The following DPH6 variants were observed in gnomAD, a reference collection of about 807,000 sequenced individuals.
DPH6 encodes the protein diphthine--ammonia ligase.
DPH6 carries 33 observed loss-of-function variants against 38.2 expected under a neutral mutation model. That is an observed-to-expected ratio of 0.86 (90% CI 0.65 to 1.15). The LOEUF (loss-of-function observed/expected upper bound fraction) is 1.15, where lower values mean the gene tolerates loss of function less well. Among genes scored for constraint, DPH6 ranks in the 50% most tolerant of loss-of-function variants. DPH6 has a pLI of 0.00. For synonymous variants in DPH6, 108 were observed against 103.0 expected (o/e 1.05, Z -0.30); for missense variants, 325 against 320.0 (o/e 1.02, Z -0.12).
intron 3 of DPH6, among the ~76,000 whole-genome samples, chr15:35,348,494 G>A (rs185966475): frequency 6.6e-6 from 1 of 152,108 alleles, no homozygotes; most frequent in Admixed American, 6.5e-5. Flanking sequence ...TCTGTTACAT[G>A]GGTCTATAGG....
At chr15:35,492,109 T>A (rs2054490990) in intron 3 of DPH6, among the ~76,000 whole-genome samples, 1 of 151,164 alleles carries the variant, frequency 6.6e-6, no homozygotes, top group South Asian at 2.1e-4. Flanking sequence ...CAAGTCTCAA[T>A]GCCTGAGAAT....
intron 3 of DPH6, among the ~76,000 whole-genome samples, chr15:35,291,281 T>G (rs2051978466): frequency 6.6e-6 from 1 of 152,126 alleles, no homozygotes; most frequent in Admixed American, 6.5e-5. Flanking sequence ...TGGTGGACAT[T>G]GTTTCTTTTA....
chr15:35,227,304 C>T (rs1346016484), intron 3 of DPH6, among the ~76,000 whole-genome samples: 1 of 148,438 alleles, frequency 6.7e-6, no homozygotes, highest in Admixed American at 6.9e-5. Context: ...CTGCCTCAGT[C>T]TCCCCAGTAG....
At chr15:35,401,346 T>G in intron 6 of DPH6, 1 of 761,174 alleles carries the variant, frequency 1.3e-6, no homozygotes, top group Non-Finnish European at 2.4e-6. Flanking sequence ...GTGGCAGCTG[T>G]GGTGCTGATG....
chr15:35,538,673 A>C (rs1382250042), intron 2 of DPH6, among the ~76,000 whole-genome samples: 1 of 152,144 alleles, frequency 6.6e-6, no homozygotes, highest in South Asian at 2.1e-4. Context: ...CACCCCTAAT[A>C]ATCTCTACTA....
At chr15:35,332,096 A>G (rs1255113490) in intron 3 of DPH6, among the ~76,000 whole-genome samples, 1 of 152,206 alleles carries the variant, frequency 6.6e-6, no homozygotes, top group Non-Finnish European at 1.5e-5. Context: ...ATTGCTTCGA[A>G]TCAGCTTCTA....
At chr15:35,410,718 T>C in intron 6 of DPH6, 117 bp downstream of exon 6, 1 of 756,332 alleles carries the variant, frequency 1.3e-6, no homozygotes, top group Non-Finnish European at 2.0e-6. Flanking sequence ...CATAAATATA[T>C]TATGAATGTA....
chr15:35,315,627 T>C (rs979731526), intron 3 of DPH6, among the ~76,000 whole-genome samples: 8 of 152,268 alleles, frequency 5.3e-5, no homozygotes, highest in Admixed American at 2.0e-4. Context: ...GAGAACAGTA[T>C]AGAGGTTTCT....
the DPH6 span, among the ~76,000 whole-genome samples, chr15:35,192,901 G>A: frequency 2.0e-5 from 3 of 152,278 alleles, no homozygotes; most frequent in African/African-American, 7.2e-5. Context: ...GGCAGACAAG[G>A]TTGTTGCTTT....
At chr15:35,303,748 T>G (rs1340336482) in intron 3 of DPH6, among the ~76,000 whole-genome samples, 1 of 151,802 alleles carries the variant, frequency 6.6e-6, no homozygotes, top group Non-Finnish European at 1.5e-5. Context: ...TCATTTGATA[T>G]TCTATATTTT....
At chr15:35,368,917 T>A (rs2052685890), downstream of DPH6, among the ~76,000 whole-genome samples, 1 of 151,910 alleles carries the variant, frequency 6.6e-6, no homozygotes, top group Middle Eastern at 3.4e-3. Context: ...TAGAATCATC[T>A]GGATAAAGAG....
intron 3 of DPH6, among the ~76,000 whole-genome samples, chr15:35,301,377 T>C (rs2052053558): frequency 6.6e-6 from 1 of 152,236 alleles, no homozygotes; most frequent in Admixed American, 6.5e-5. Context: ...TATCTGGCTT[T>C]ATTTAGCTAA....
chr15:35,405,371 A>G (rs1566897758), intron 6 of DPH6, among the ~76,000 whole-genome samples: 3 of 151,946 alleles, frequency 2.0e-5, no homozygotes, highest in African/African-American at 7.2e-5. Context: ...TTTAATGTCC[A>G]CTTCAATTTT....
Position 35,298,511 on chromosome 15 carries a change from C to A in DPH6, n.200+75010G>T. 6.4e-6 allele frequency: 5 copies of A among 776,788 alleles called. No individual in the cohort carries two copies. The East Asian group carries it at 1.2e-4, about 19-fold the overall frequency. 48.1% of individuals were successfully genotyped at this position (776,788 alleles called of 1,614,324 possible). A position where few individuals can be genotyped will look rare whatever the true frequency, so the allele number is the denominator to read the frequency against. ...CAAGTCTTCATCCACCTTTCCCGCA[C>A]CAACCATGTTCCTTAGTAGGACCAC... On this transcript the variant is annotated intron_variant and non_coding_transcript_variant, in intron 3 of 3. Coordinates refer to the DPH6 transcript ENST00000560386.
intron 3 of DPH6, among the ~76,000 whole-genome samples, chr15:35,280,912 C>T (rs1216701473): frequency 6.6e-6 from 1 of 152,058 alleles, no homozygotes; most frequent in African/African-American, 2.4e-5. Flanking sequence ...TCTATGCTTT[C>T]TACTGGTGAA....
At chr15:35,401,886 C>T (rs2053225196) in intron 6 of DPH6, 1 of 459,940 alleles carries the variant, frequency 2.2e-6, no homozygotes, top group South Asian at 1.8e-5. Context: ...GGCCTAGCTG[C>T]TACAAAGAAG....
At chr15:35,431,538 CATAA>C (rs767201423) in intron 5 of DPH6, among the ~76,000 whole-genome samples, 1 of 152,018 alleles carries the variant, frequency 6.6e-6, no homozygotes, top group Non-Finnish European at 1.5e-5. Flanking sequence ...AGCTAAGGCA[CATAA>C]ACAGCAGGGT....
chr15:35,233,201 C>T (rs372726832), intron 3 of DPH6, among the ~76,000 whole-genome samples: 13 of 151,918 alleles, frequency 8.6e-5, no homozygotes, highest in East Asian at 5.8e-4. Flanking sequence ...CCCAGCTACT[C>T]GGGAATCTGA....
At chr15:35,203,651 G>A in the DPH6 span, among the ~76,000 whole-genome samples, 15 of 151,656 alleles carry the variant, frequency 9.9e-5, no homozygotes, top group African/African-American at 3.6e-4. Context: ...AGCAACCTGT[G>A]TATTTTAGCT....
Sources: gnomAD v4.1 joint callset for allele counts (sites outside exome capture counted in the v4.1 genomes callset) on GRCh38, gnomAD v4.1.1 for gene constraint, MANE v1.5 for transcripts, NCBI Gene and HGNC (gene_info 2026-07-23, HGNC 2026-07-21) for gene names.